Variants in DAZAP2 observed in about 807,000 individuals in gnomAD.
The protein encoded by DAZAP2 is DAZ-associated protein 2.
In DAZAP2, 3 loss-of-function variants were observed where a neutral mutation model predicts 16.2. The observed-to-expected ratio is 0.19, with a 90% CI of 0.08 to 0.48. The LOEUF (loss-of-function observed/expected upper bound fraction) is 0.48, where lower values mean the gene tolerates loss of function less well. DAZAP2 is among the 20% of genes least tolerant of loss of function. The pLI is 0.98. For missense variants in DAZAP2, 172 were observed against 215.9 expected, an observed-to-expected ratio of 0.80 and a Z score of 1.27; for synonymous variants, 69 against 77.6, an observed-to-expected ratio of 0.89 and a Z score of 0.58.
At chr12:51,240,738 A>G in intron 2 of DAZAP2, 133 bp from the exon 3 acceptor site, 1 of 1,268,702 alleles carries the variant, frequency 7.9e-7, no homozygotes, top group Non-Finnish European at 1.1e-6. Flanking sequence ...ATTGAAGGCC[A>G]GTGGAAAGGC....
At chr12:51,241,579 T>C (rs915518344) in intron 3 of DAZAP2, among the ~76,000 whole-genome samples, 1 of 151,074 alleles carries the variant, frequency 6.6e-6, no homozygotes, top group African/African-American at 2.5e-5. Context: ...GTGCGTGGGA[T>C]TTAGAGCTCA....
chr12:51,245,584 G>A, downstream of DAZAP2: 1 of 206,692 alleles, frequency 4.8e-6, no homozygotes, highest in South Asian at 9.0e-5. Flanking sequence ...ACCAGGTAGG[G>A]GACAGAGTAG....
At position 51,238,866 on chromosome 12, in the gene DAZAP2, T is replaced by C. The variant is rs751469318; in HGVS notation, c.-42T>C. 2 of 1,611,722 alleles carry C rather than the reference T, an allele frequency of 1.2e-6. No homozygotes were observed. The highest frequency in any genetic ancestry group is 2.2e-5 in the East Asian group (1 of 44,776). ...CCGAACAGGAAGAGGACGAAAAAAA[T>C]AACCGTCCGCGACGCCGAGACAAAC... On this transcript the variant is annotated 5_prime_UTR_variant, in exon 1 of 4. Coordinates refer to ENST00000412716, the MANE Select transcript of DAZAP2 (RefSeq NM_014764.4).
chr12:51,240,196 T>C (rs1351618112), intron 1 of DAZAP2, 147 bp from the exon 2 acceptor site: 8 of 679,158 alleles, frequency 1.2e-5, no homozygotes, highest in Non-Finnish European at 1.8e-5. Context: ...ATGCATATTT[T>C]CTTAGTTCCA....
rs1944720441 is a variant in DAZAP2, at chr12:51,243,587, T to C, written c.*1129T>C. On this transcript the variant is annotated 3_prime_UTR_variant, in exon 4 of 4. Transcript: ENST00000412716. ...TTTCTGAAATTGGATTTTATTTTAT[T>C]TTATCTTATAATTTCAGTTCATCTA... 1.6e-5 allele frequency: 16 copies of C among 974,180 alleles called. No individual in the cohort carries two copies. The highest frequency in any genetic ancestry group is 2.0e-5 in the Non-Finnish European group (16 of 819,784). 60.3% of individuals were successfully genotyped at this position (974,180 alleles called of 1,614,324 possible). A position where few individuals can be genotyped will look rare whatever the true frequency, so the allele number is the denominator to read the frequency against.
chr12:51,246,643 A>G (rs1944776310), downstream of DAZAP2: 1 of 483,490 alleles, frequency 2.1e-6, no homozygotes, highest in East Asian at 4.7e-5. Context: ...TGTGTGTAAT[A>G]TAACTTACAA....
intron 1 of DAZAP2, 74 bp downstream of exon 1, chr12:51,238,994 G>T: frequency 6.3e-7 from 1 of 1,590,390 alleles, no homozygotes; most frequent in Non-Finnish European, 8.5e-7. Context: ...GGAGCCCAGG[G>T]TCACCAAACG....
At chr12:51,245,956 C>G (rs574771332), downstream of DAZAP2, 1 of 1,613,382 alleles carries the variant, frequency 6.2e-7, no homozygotes, top group African/African-American at 1.3e-5. Flanking sequence ...TGAAATATTC[C>G]TCTTTCTCGC....
In DAZAP2 at chr12:51,243,029, C is replaced by T. The variant is rs1944707973; in HGVS notation, c.*571C>T. The T allele has an allele frequency of 1.0e-6, 1 of 996,960 alleles. No individual in the cohort carries two copies. Among genetic ancestry groups the T allele is most frequent in the Admixed American group, 6.0e-5 (1 of 16,626 alleles). 61.8% of individuals were successfully genotyped at this position (996,960 alleles called of 1,614,324 possible). The stretch of plus-strand genomic sequence containing the variant: ...ACAGAAAGCCAGTCAGACTAATTTC[C>T]TTCTTTCCTCGCACTTCTCCCCACT... On this transcript the variant is annotated 3_prime_UTR_variant, in exon 4 of 4. Coordinates refer to ENST00000412716, the MANE Select transcript of DAZAP2 (RefSeq NM_014764.4).
chr12:51,246,553 C>A (rs931215302), downstream of DAZAP2: 73 of 476,532 alleles, frequency 1.5e-4, no homozygotes, highest in Non-Finnish European at 1.1e-4. Flanking sequence ...CACCTCCCAA[C>A]CTGTCATTTA....
Position 51,243,682 on chromosome 12 carries a change from C to T in DAZAP2, c.*1224C>T. ...GTTATGGAAGTTCAGCGTTGTATGT[C>T]TCTCTCTACACTGTGGTGCACTTAA... On this transcript the variant is annotated 3_prime_UTR_variant, in exon 4 of 4. Coordinates refer to ENST00000412716, the MANE Select transcript of DAZAP2 (RefSeq NM_014764.4). 6.1e-6 allele frequency: 6 copies of T among 985,488 alleles called. No individual in the cohort carries two copies. Among genetic ancestry groups the T allele is most frequent in the Non-Finnish European group, 7.2e-6 (6 of 829,694 alleles). 61.0% of individuals were successfully genotyped at this position (985,488 alleles called of 1,614,324 possible).
In DAZAP2 at chr12:51,243,445, C is replaced by T; in HGVS notation, c.*987C>T. 1 of 985,786 alleles carries T rather than the reference C, an allele frequency of 1.0e-6. No homozygotes were observed. The highest frequency in any genetic ancestry group is 1.2e-6 in the Non-Finnish European group (1 of 829,922). The allele number at this position is 985,786 out of a possible 1,614,324, so 61.1% of individuals were successfully genotyped here. A position where few individuals can be genotyped will look rare whatever the true frequency, so the allele number is the denominator to read the frequency against. Reference sequence around the variant, plus strand: ...CCACTCATTCGGCTCCCCAGAATTCCTAGACTGGGTTAATAGGGTCATATT... The same window carrying T: ...CCACTCATTCGGCTCCCCAGAATTCTTAGACTGGGTTAATAGGGTCATATT... On this transcript the variant is annotated 3_prime_UTR_variant, in exon 4 of 4. Coordinates refer to ENST00000412716, the MANE Select transcript of DAZAP2 (RefSeq NM_014764.4).
intron 1 of DAZAP2, chr12:51,239,283 CCGAACTTAACT>C (rs1944617602): frequency 3.7e-6 from 1 of 271,478 alleles, no homozygotes; most frequent in Admixed American, 5.0e-5. Context: ...CCCAGCGGGG[CCGAACTTAACT>C]ACTGAATTGC....
Position 51,238,869 on chromosome 12 carries a change from C to A in DAZAP2, c.-39C>A. ...AACAGGAAGAGGACGAAAAAAATAA[C>A]CGTCCGCGACGCCGAGACAAACCGG... On this transcript the variant is annotated 5_prime_UTR_variant, in exon 1 of 4. Coordinates refer to ENST00000412716, the MANE Select transcript of DAZAP2 (RefSeq NM_014764.4). 4 of 1,612,862 alleles carry A rather than the reference C, an allele frequency of 2.5e-6. No homozygotes were observed. Among genetic ancestry groups the A allele is most frequent in the Non-Finnish European group, 3.4e-6 (4 of 1,179,822 alleles).
At chr12:51,244,262 T>C (rs1468200253), downstream of DAZAP2, among the ~76,000 whole-genome samples, 1 of 152,168 alleles carries the variant, frequency 6.6e-6, no homozygotes, top group Non-Finnish European at 1.5e-5. Context: ...GCAGTGGCAG[T>C]GTCTGCTCAC....
chr12:51,246,070 G>T (rs982560480), downstream of DAZAP2: 59 of 1,613,822 alleles, frequency 3.7e-5, no homozygotes, highest in Non-Finnish European at 4.7e-5. Flanking sequence ...GGTAAAAGAA[G>T]ATCAAGATCA....
chr12:51,241,303 G>A (rs946748753), intron 3 of DAZAP2, among the ~76,000 whole-genome samples, 187 bp downstream of exon 3: 7 of 152,146 alleles, frequency 4.6e-5, no homozygotes, highest in African/African-American at 1.2e-4. Context: ...CATCTCACTG[G>A]GGGCTGAGTT....
downstream of DAZAP2, chr12:51,246,046 T>G: frequency 6.2e-7 from 1 of 1,613,956 alleles, no homozygotes; most frequent in Non-Finnish European, 8.5e-7. Context: ...CGTAGCTGCC[T>G]TTGTTCTTGT....
In DAZAP2 at chr12:51,240,469, C is replaced by G; in HGVS notation, c.132+8C>G. The G allele has an allele frequency of 6.2e-7, 1 of 1,607,948 alleles. No homozygotes were observed. ...CCACCTGCCTACTCAGAGGTGCTTC[C>G]AGTTTGCCAGATTTGAACTAGCTGG... On this transcript the variant is annotated splice_region_variant and intron_variant, in intron 2 of 3. Transcript: ENST00000412716.
Sources: gnomAD v4.1 joint callset for allele counts (sites outside exome capture counted in the v4.1 genomes callset) on GRCh38, gnomAD v4.1.1 for gene constraint, MANE v1.5 for transcripts, NCBI Gene and HGNC (gene_info 2026-07-23, HGNC 2026-07-21) for gene names.